The following UBAC2 variants were observed in gnomAD, a reference collection of about 807,000 sequenced individuals.
UBAC2 encodes the protein ubiquitin-associated domain-containing protein 2.
Under a neutral mutation model 44.0 loss-of-function variants are expected in UBAC2, and 26 were observed. That is an observed-to-expected ratio of 0.59 (90% CI 0.43 to 0.82). The LOEUF is 0.82. Among genes scored for constraint, UBAC2 ranks in the 40% least tolerant of loss-of-function variants. UBAC2 has a pLI of 0.00. For missense variants in UBAC2, 329 were observed against 419.4 expected (o/e 0.78, Z 1.88); for synonymous variants, 155 against 154.3 (o/e 1.00, Z -0.04).
chr13:99,214,964 C>A (rs538627372), intron 1 of UBAC2, among the ~76,000 whole-genome samples: 11 of 151,778 alleles, frequency 7.2e-5, no homozygotes, highest in African/African-American at 1.9e-4. Context: ...GGTCATGACT[C>A]CCTTTTCAGT....
At chr13:99,338,901 C>A (rs1294540335) in intron 6 of UBAC2, among the ~76,000 whole-genome samples, 1 of 152,206 alleles carries the variant, frequency 6.6e-6, no homozygotes, top group Non-Finnish European at 1.5e-5. Flanking sequence ...TCTTCACTGG[C>A]AGCCCTGTCT....
At chr13:99,338,071 T>TTTTTTTTTTTTTTA (rs1555330450) in intron 6 of UBAC2, among the ~76,000 whole-genome samples, 4 of 105,136 alleles carry the variant, frequency 3.8e-5, no homozygotes, top group Non-Finnish European at 7.6e-5. Context: ...TTTTTTTTTT[T>TTTTTTTTTTTTTTA]TTTTGAGACA....
rs573008233 is a variant in UBAC2 at position 99,269,049 on chromosome 13, A to G, written c.389+24425A>G. Reference sequence around the variant, plus strand: ...TACGGGATATAGCTTTGGGCTTGGCATAAGGAGTAACTTTGCAGCACTCAC... The same window carrying G: ...TACGGGATATAGCTTTGGGCTTGGCGTAAGGAGTAACTTTGCAGCACTCAC... On this transcript the variant is annotated intron_variant, in intron 4 of 8. Coordinates refer to ENST00000403766, the MANE Select transcript of UBAC2 (RefSeq NM_001144072.2). Among the ~76,000 whole-genome samples, 5 of 152,314 alleles carry G rather than the reference A, an allele frequency of 3.3e-5. No homozygotes were observed. In the South Asian group the frequency reaches 1.0e-3, roughly 32 times the overall value.
chr13:99,250,602 G>A (rs960425359), intron 4 of UBAC2, among the ~76,000 whole-genome samples: 20 of 151,544 alleles, frequency 1.3e-4, no homozygotes, highest in Admixed American at 1.3e-3. Context: ...TTCTAATTCT[G>A]TGAAAAATGA....
intron 1 of UBAC2, among the ~76,000 whole-genome samples, chr13:99,210,040 A>G (rs987211265): frequency 6.6e-6 from 1 of 152,222 alleles, no homozygotes; most frequent in Non-Finnish European, 1.5e-5. Flanking sequence ...GGACAAGCTT[A>G]AGAGAGGATG....
intron 7 of UBAC2, among the ~76,000 whole-genome samples, chr13:99,366,299 C>T (rs568580065): frequency 3.3e-5 from 5 of 152,190 alleles, no homozygotes; most frequent in African/African-American, 7.2e-5. Flanking sequence ...TTTTGTGTGC[C>T]GACTTGCTCA....
intron 4 of UBAC2, among the ~76,000 whole-genome samples, chr13:99,299,460 A>G (rs1363735705): frequency 6.8e-6 from 1 of 146,622 alleles, no homozygotes; most frequent in Non-Finnish European, 1.5e-5. Flanking sequence ...ACACACACAC[A>G]CGCACACACA....
chr13:99,347,578 G>T (rs1036514438), intron 7 of UBAC2, among the ~76,000 whole-genome samples: 2 of 151,924 alleles, frequency 1.3e-5, no homozygotes, highest in African/African-American at 4.8e-5. Context: ...ATGATCTTAT[G>T]CTCCTGAAGC....
intron 7 of UBAC2, among the ~76,000 whole-genome samples, chr13:99,343,836 G>A (rs1031977848): frequency 2.0e-5 from 3 of 152,320 alleles, no homozygotes; most frequent in South Asian, 2.1e-4. Flanking sequence ...ATTATCTGCC[G>A]TATTTGTGTG....
At chr13:99,201,074 C>T (rs1396267796) in intron 1 of UBAC2, 135 bp downstream of exon 1, 4 of 1,331,996 alleles carry the variant, frequency 3.0e-6, no homozygotes, top group Non-Finnish European at 3.9e-6. Flanking sequence ...GCGTCCGAAC[C>T]CTGCTAGTTC....
At chr13:99,250,426 T>C (rs1339710717) in intron 4 of UBAC2, among the ~76,000 whole-genome samples, 1 of 152,196 alleles carries the variant, frequency 6.6e-6, no homozygotes, top group African/African-American at 2.4e-5. Flanking sequence ...TGTATGTCTG[T>C]TTTTGTACCA....
At chr13:99,378,144 TGTCACAGTC>T (rs1298751828) in intron 8 of UBAC2, among the ~76,000 whole-genome samples, 1 of 152,218 alleles carries the variant, frequency 6.6e-6, no homozygotes, top group Non-Finnish European at 1.5e-5. Context: ...TCATCACTGT[TGTCACAGTC>T]ACCTTGACTC....
chr13:99,238,479 C>T lies in UBAC2; in HGVS notation c.84C>T (p.Leu28=), dbSNP rs2043264778. The T allele has an allele frequency of 1.2e-6, 2 of 1,614,004 alleles. No homozygotes were observed. Among genetic ancestry groups the T allele is most frequent in the Non-Finnish European group, 1.7e-6 (2 of 1,179,904 alleles). Residue 28 remains leucine, a synonymous_variant, in exon 2 of 9, where the codon CTC becomes CTT. Coordinates refer to ENST00000403766, the MANE Select transcript of UBAC2 (RefSeq NM_001144072.2). ...TGCTGGTCCCCAGTGCCCTCTCCCT[C>T]CTGCTCGCCCTCCTCCTGCCTCACT... ...SLLLVPSALS[L]LLALLLPHCQ...
intron 6 of UBAC2, among the ~76,000 whole-genome samples, chr13:99,329,045 A>G (rs2044678225): frequency 6.6e-6 from 1 of 152,184 alleles, no homozygotes; most frequent in African/African-American, 2.4e-5. Context: ...TTGTTCCATT[A>G]CCAGTTATTG....
intron 8 of UBAC2, among the ~76,000 whole-genome samples, chr13:99,379,354 A>G (rs1231282570): frequency 6.6e-6 from 1 of 152,266 alleles, no homozygotes; most frequent in Non-Finnish European, 1.5e-5. Flanking sequence ...TTGTTCTGGC[A>G]TCAGATTTTT....
chr13:99,384,349 G>C (rs2045590979), intron 8 of UBAC2, among the ~76,000 whole-genome samples: 1 of 152,148 alleles, frequency 6.6e-6, no homozygotes, highest in Admixed American at 6.5e-5. Context: ...ATGTATTCCT[G>C]TGGCAATCTG....
At chr13:99,287,726 C>G (rs1362882649) in intron 4 of UBAC2, among the ~76,000 whole-genome samples, 2 of 147,148 alleles carry the variant, frequency 1.4e-5, no homozygotes, top group African/African-American at 5.1e-5. Context: ...CTCAAGTGAG[C>G]CTCCTGTCTC....
intron 6 of UBAC2, among the ~76,000 whole-genome samples, chr13:99,318,582 A>G (rs1427347656): frequency 3.3e-5 from 5 of 151,018 alleles, no homozygotes; most frequent in African/African-American, 1.2e-4. Flanking sequence ...GCACTCTGGG[A>G]GGCTGAGGCG....
intron 8 of UBAC2, among the ~76,000 whole-genome samples, chr13:99,379,209 C>G (rs1231645452): frequency 1.3e-5 from 2 of 152,256 alleles, no homozygotes; most frequent in Non-Finnish European, 2.9e-5. Flanking sequence ...TGCATGCCTG[C>G]TGCATTAGCA....
Sources: gnomAD v4.1 joint callset for allele counts (sites outside exome capture counted in the v4.1 genomes callset) on GRCh38, gnomAD v4.1.1 for gene constraint, MANE v1.5 for transcripts, NCBI Gene and HGNC (gene_info 2026-07-23, HGNC 2026-07-21) for gene names.